Variants in PRRT3 observed in about 807,000 individuals in gnomAD.
The protein encoded by PRRT3 is proline rich transmembrane protein 3.
PRRT3 carries 48 observed loss-of-function variants against 56.6 expected under a neutral mutation model. That is an observed-to-expected ratio of 0.85 (90% confidence interval 0.67 to 1.08). The LOEUF is 1.08. PRRT3 is among the 50% of genes least tolerant of loss of function. PRRT3 has a pLI of 0.00. For missense variants in PRRT3, 1,370 were observed against 1,353.1 expected, an observed-to-expected ratio of 1.01 and a Z score of -0.20; for synonymous variants, 641 against 619.1, an observed-to-expected ratio of 1.04 and a Z score of -0.52.
intron 1 of PRRT3, among the ~76,000 whole-genome samples, chr3:9,951,912 G>A (rs1044319645): frequency 6.6e-6 from 1 of 152,194 alleles, no homozygotes; most frequent in African/African-American, 2.4e-5. Context: ...CGAGAAAACG[G>A]CTGAATGGGG....
Position 9,946,050 on chromosome 3 carries a change from C to A in PRRT3, c.*177G>T. ...TTTCGCTATGTTCGAGACCAGGAGG[C>A]TGATCTCGAACTCCTGACCTCGTGT... On this transcript the variant is annotated 3_prime_UTR_variant, in exon 4 of 4. Coordinates refer to ENST00000412055, the MANE Select transcript of PRRT3 (RefSeq NM_207351.5). The surrounding 1 kb of genome is among the most constrained non-coding windows in gnomAD (Gnocchi z 4.1). The A allele has an allele frequency of 1.1e-6, 1 of 930,044 alleles. No individual in the cohort carries two copies. 57.6% of individuals were successfully genotyped at this position (930,044 alleles called of 1,614,324 possible).
Position 9,947,498 on chromosome 3 carries a change from C to G in PRRT3, c.1675G>C (p.Gly559Arg). 1 of 1,612,144 alleles carries G rather than the reference C, an allele frequency of 6.2e-7. No homozygotes were observed. Reference sequence around the variant, plus strand: ...GGTGGCGGCAGCCCCGCGCCCAGGCCGAGCAGAGTCAGGGCTGCCAGCGCC... The same window carrying G: ...GGTGGCGGCAGCCCCGCGCCCAGGCGGAGCAGAGTCAGGGCTGCCAGCGCC... The part of the protein sequence containing the change: ...LTALAALTLL[G>R]LGAGLPPPLQ... Residue 559 changes from glycine to arginine, a missense_variant, in exon 4 of 4, where the codon GGC (glycine) becomes CGC (arginine). Physicochemically the swap from Gly to Arg is moderately radical, Grantham distance 125. Transcript: ENST00000412055. The surrounding 1 kb of genome is among the most constrained non-coding windows in gnomAD (Gnocchi z 9.2).
chr3:9,949,141 A>T lies in PRRT3; in HGVS notation c.975T>A (p.Asp325Glu). ...AKDSPGPQPT[D>E]PPASEAPDRP... ...GATCAGGAGCCTCTGAGGCGGGTGG[A>T]TCCGTGGGCTGGGGTCCTGGTGAAT... The change falls in exon 2 of 4, where the codon GAT (aspartate) becomes GAA (glutamate). Residue 325 changes from aspartate (D) to glutamate (E), a missense_variant. By Grantham distance (45) the Asp-to-Glu change is conservative. Coordinates refer to ENST00000412055, the MANE Select transcript of PRRT3 (RefSeq NM_207351.5). The surrounding 1 kb of genome is among the most constrained non-coding windows in gnomAD (Gnocchi z 4.5). 1 of 1,611,226 alleles carries T rather than the reference A, an allele frequency of 6.2e-7. No individual in the cohort carries two copies. Among genetic ancestry groups the T allele is most frequent in the Non-Finnish European group, 8.5e-7 (1 of 1,179,114 alleles).
At chr3:9,948,675 C>A in intron 3 of PRRT3, 83 bp downstream of exon 3, 3 of 1,531,280 alleles carry the variant, frequency 2.0e-6, no homozygotes, top group Non-Finnish European at 2.7e-6. Flanking sequence ...ATTCCCCACC[C>A]TCCGCCCCCA....
In PRRT3 at chr3:9,947,099, C is replaced by T. The variant is rs1465636178; in HGVS notation, c.2074G>A (p.Ala692Thr). The change falls in exon 4 of 4, where the codon GCC becomes ACC. Residue 692 changes from alanine (A) to threonine (T), a missense_variant. Physicochemically the swap from Ala to Thr is moderately conservative, Grantham distance 58. Transcript: ENST00000412055. This position sits in a 1 kb window ranked among gnomAD's most constrained non-coding sequence, Gnocchi z 9.2. ...LRLLELTWAL[A>T]LALAAVAAAR... ...GCAGCCACCGCGGCCAACGCCAGGG[C>T]GAGCGCCCATGTCAGCTCCAGGAGG... is the stretch of plus-strand genomic sequence containing the variant. 1 of 1,536,872 alleles carries T rather than the reference C, an allele frequency of 6.5e-7. No individual in the cohort carries two copies. The highest frequency in any genetic ancestry group is 8.7e-7 in the Non-Finnish European group (1 of 1,146,676).
Position 9,946,466 on chromosome 3 carries a change from AGCTGCCAGAAGCCGCAGCG to A in PRRT3, c.2688_2706del (p.Ala897ProfsTer29). On this transcript the variant is annotated frameshift_variant, in exon 4 of 4. Coordinates refer to ENST00000412055, the MANE Select transcript of PRRT3 (RefSeq NM_207351.5). LOFTEE classifies it high-confidence loss of function. This position sits in a 1 kb window ranked among gnomAD's most constrained non-coding sequence, Gnocchi z 4.1. ...GAACCCCTGGAGAAGCTGTCGAGGGAGCTGCCAGAAGCCGCAGCGGCTGCCCCGTCGGGTGCTTCCACTA... is the reference window on the plus strand; with the variant it reads ...GAACCCCTGGAGAAGCTGTCGAGGGAGCTGCCCCGTCGGGTGCTTCCACTA... 1 of 1,564,686 alleles carries A rather than the reference AGCTGCCAGAAGCCGCAGCG, an allele frequency of 6.4e-7. No individual in the cohort carries two copies. Among genetic ancestry groups the A allele is most frequent in the Non-Finnish European group, 8.7e-7 (1 of 1,155,538 alleles).
At position 9,949,433 on chromosome 3, in the gene PRRT3, C is replaced by T; in HGVS notation, c.683G>A (p.Gly228Glu). The T allele has an allele frequency of 6.2e-6, 10 of 1,614,098 alleles. No homozygotes were observed. Among genetic ancestry groups the T allele is most frequent in the East Asian group, 2.2e-5 (1 of 44,880 alleles). Residue 228 changes from glycine (G) to glutamate (E), a missense_variant, in exon 2 of 4, where the codon GGG becomes GAG. Gly to Glu is a moderately conservative substitution (Grantham distance 98, BLOSUM62 -2). Transcript: ENST00000412055. This position sits in a 1 kb window ranked among gnomAD's most constrained non-coding sequence, Gnocchi z 4.5. ...VKRPVLEGQGGFEEHLQEAAQ... is the reference protein window; with the variant it reads ...VKRPVLEGQGEFEEHLQEAAQ... Reference sequence around the variant, plus strand: ...TGCCTCCTGCAAGTGTTCCTCAAACCCACCCTGTCCTTCCAGCACTGGCCT... The same window carrying T: ...TGCCTCCTGCAAGTGTTCCTCAAACTCACCCTGTCCTTCCAGCACTGGCCT...
rs1246305825 is a variant in PRRT3 at position 9,948,766 on chromosome 3, A to G, written c.1163T>C (p.Leu388Pro). 1.2e-6 allele frequency: 2 copies of G among 1,613,932 alleles called. No homozygotes were observed. Among genetic ancestry groups the G allele is most frequent in the Non-Finnish European group, 8.5e-7 (1 of 1,179,968 alleles). ...VNRTESPMGA[L>P]QPDEAEEWPG... Reference sequence around the variant, plus strand: ...CCCAGCCATGCTCTCACCTGGCTGCAGGGCCCCCATGGGGCTCTCTGTTCG... The same window carrying G: ...CCCAGCCATGCTCTCACCTGGCTGCGGGGCCCCCATGGGGCTCTCTGTTCG... The change falls in exon 3 of 4, where the codon CTG becomes CCG. Residue 388 changes from leucine to proline, a missense_variant. Leu to Pro is a moderately conservative substitution (Grantham distance 98). Coordinates refer to ENST00000412055, the MANE Select transcript of PRRT3 (RefSeq NM_207351.5).
In PRRT3 at chr3:9,947,290, G is replaced by A. The variant is rs2085542546; in HGVS notation, c.1883C>T (p.Pro628Leu). The change falls in exon 4 of 4, where the codon CCA becomes CTA. Residue 628 changes from proline (P) to leucine (L), a missense_variant. Coordinates refer to ENST00000412055, the MANE Select transcript of PRRT3 (RefSeq NM_207351.5). This position sits in a 1 kb window ranked among gnomAD's most constrained non-coding sequence, Gnocchi z 9.2. ...CLCRRRLLDG[P>L]RGWDASPGPR... ...GCCCGGGCTGGCATCCCAGCCCCGTGGGCCGTCCAGCAGGCGGCGACGGCA... is the reference window on the plus strand; with the variant it reads ...GCCCGGGCTGGCATCCCAGCCCCGTAGGCCGTCCAGCAGGCGGCGACGGCA... 6.4e-7 allele frequency: 1 copy of A among 1,564,750 alleles called. No individual in the cohort carries two copies. Among genetic ancestry groups the A allele is most frequent in the Non-Finnish European group, 8.6e-7 (1 of 1,160,054 alleles).
At position 9,946,793 on chromosome 3, in the gene PRRT3, C is replaced by T; in HGVS notation, c.2380G>A (p.Gly794Arg). ...AGCTCGCTCAGCGATGGCGCCGGTC[C>T]CACACCGTTGCGGGACAGTCCCGGG... ...GGPGLSRNGVGPAPSLSELDL... is the reference protein window; with the variant it reads ...GGPGLSRNGVRPAPSLSELDL... Residue 794 changes from glycine (G) to arginine (R), a missense_variant, in exon 4 of 4, where the codon GGA becomes AGA. By Grantham distance (125) the Gly-to-Arg change is moderately radical (BLOSUM62 -2). Coordinates refer to ENST00000412055, the MANE Select transcript of PRRT3 (RefSeq NM_207351.5). The surrounding 1 kb of genome is among the most constrained non-coding windows in gnomAD (Gnocchi z 4.1). The T allele has an allele frequency of 6.4e-7, 1 of 1,553,522 alleles. No individual in the cohort carries two copies. The highest frequency in any genetic ancestry group is 8.6e-7 in the Non-Finnish European group (1 of 1,157,630).
At chr3:9,948,180 A>G (rs1274174131) in intron 3 of PRRT3, 179 bp from the exon 4 acceptor site, 3 of 530,634 alleles carry the variant, frequency 5.7e-6, no homozygotes, top group African/African-American at 2.0e-5. Flanking sequence ...CCCAACACCC[A>G]GTAAGTGCTA....
chr3:9,947,958 TG>T lies in PRRT3; in HGVS notation c.1214del (p.Pro405GlnfsTer63). The T allele has an allele frequency of 7.3e-7, 1 of 1,373,306 alleles. No individual in the cohort carries two copies. Among genetic ancestry groups the T allele is most frequent in the Admixed American group, 3.0e-5 (1 of 32,894 alleles). The allele number at this position is 1,373,306 out of a possible 1,614,324, so 85.1% of individuals were successfully genotyped here. The stretch of plus-strand genomic sequence containing the variant: ...TCGAGGGGGCCTGGACTGGGGGTGC[TG>T]GGGGATGGCTTTGGGGGCGCCCCGG... ...EWPGRPQSHPPAPPVQAPSTS... is the reference protein window; with the variant it reads ...EWPGRPQSHPXAPPVQAPSTS... On this transcript the variant is annotated frameshift_variant, in exon 4 of 4. Transcript: ENST00000412055. LOFTEE classifies it high-confidence loss of function. This position sits in a 1 kb window ranked among gnomAD's most constrained non-coding sequence, Gnocchi z 9.2.
Position 9,948,803 on chromosome 3 carries a change from G to A in PRRT3, c.1126C>T (p.Pro376Ser), listed in dbSNP as rs2085571207. The change falls in exon 3 of 4, where the codon CCA becomes TCA. Residue 376 changes from proline (P) to serine (S), a missense_variant. Coordinates refer to ENST00000412055, the MANE Select transcript of PRRT3 (RefSeq NM_207351.5). Reference protein sequence around the residue: ...SLIPGPSDPGPAVNRTESPMG... With the variant: ...SLIPGPSDPGSAVNRTESPMG... The stretch of plus-strand genomic sequence containing the variant: ...GGGCTCTCTGTTCGGTTTACAGCTG[G>A]GCCAGGGTCTGAGGGACCAGGGATG... 4 of 1,613,944 alleles carry A rather than the reference G, an allele frequency of 2.5e-6. No individual in the cohort carries two copies. Among genetic ancestry groups the A allele is most frequent in the Non-Finnish European group, 3.4e-6 (4 of 1,179,966 alleles).
In PRRT3 at chr3:9,946,615, C is replaced by T. The variant is rs2085527064; in HGVS notation, c.2558G>A (p.Gly853Asp). 4.3e-6 allele frequency: 6 copies of T among 1,394,618 alleles called. No homozygotes were observed. Among genetic ancestry groups the T allele is most frequent in the Non-Finnish European group, 5.5e-6 (6 of 1,082,672 alleles). 86.4% of individuals were successfully genotyped at this position (1,394,618 alleles called of 1,614,324 possible). A position where few individuals can be genotyped will look rare whatever the true frequency, so the allele number is the denominator to read the frequency against. ...PPGGALRPRR[G>D]SHPKAELDDA... ...GTCGAGCTCGGCTTTGGGATGGCTGCCCCGGCGCGGCCGCAGAGCGCCTCC... is the reference window on the plus strand; with the variant it reads ...GTCGAGCTCGGCTTTGGGATGGCTGTCCCGGCGCGGCCGCAGAGCGCCTCC... Residue 853 changes from glycine (G) to aspartate (D), a missense_variant, in exon 4 of 4, where the codon GGC (glycine) becomes GAC (aspartate). Physicochemically the swap from Gly to Asp is moderately conservative, Grantham distance 94 (BLOSUM62 -1). Coordinates refer to ENST00000412055, the MANE Select transcript of PRRT3 (RefSeq NM_207351.5). This position sits in a 1 kb window ranked among gnomAD's most constrained non-coding sequence, Gnocchi z 4.1.
chr3:9,947,273 T>C lies in PRRT3; in HGVS notation c.1900A>G (p.Ser634Gly), dbSNP rs1180356313. The C allele has an allele frequency of 6.5e-7, 1 of 1,529,748 alleles. No homozygotes were observed. 94.8% of individuals were successfully genotyped at this position (1,529,748 alleles called of 1,614,324 possible). ...LLDGPRGWDA[S>G]PGPRLLAVAG... ...ACAGCCAACAGCCGAGGGCCCGGGC[T>C]GGCATCCCAGCCCCGTGGGCCGTCC... Residue 634 changes from serine to glycine, a missense_variant, in exon 4 of 4, where the codon AGC becomes GGC. Ser to Gly is a moderately conservative substitution (Grantham distance 56). Coordinates refer to ENST00000412055, the MANE Select transcript of PRRT3 (RefSeq NM_207351.5). This position sits in a 1 kb window ranked among gnomAD's most constrained non-coding sequence, Gnocchi z 9.2.
chr3:9,948,867 C>T lies in PRRT3; in HGVS notation c.1062G>A (p.Val354=), dbSNP rs767276059. The T allele has an allele frequency of 5.0e-6, 8 of 1,607,486 alleles. No individual in the cohort carries two copies. In the Admixed American group the frequency reaches 1.0e-4, roughly 21 times the overall value. The change falls in exon 3 of 4, where the codon GTG becomes GTA. Residue 354 remains valine (V), a synonymous_variant. Transcript: ENST00000412055. ...TGCCTGGGGCCTCCACAGCTCCTCT[C>T]ACCCGCTGGGGGGAGATGGGGTCTG... The part of the protein sequence containing the change: ...NGADPISPQR[V]RGAVEAPGTP...
chr3:9,947,548 T>C lies in PRRT3; in HGVS notation c.1625A>G (p.Asn542Ser). The change falls in exon 4 of 4, where the codon AAC (asparagine) becomes AGC (serine). Residue 542 changes from asparagine to serine, a missense_variant. By Grantham distance (46) the Asn-to-Ser change is conservative. Coordinates refer to ENST00000412055, the MANE Select transcript of PRRT3 (RefSeq NM_207351.5). The surrounding 1 kb of genome is among the most constrained non-coding windows in gnomAD (Gnocchi z 9.2). Reference protein sequence around the residue: ...LGVRGGLVLYNLPFPLLLTAL... With the variant: ...LGVRGGLVLYSLPFPLLLTAL... ...CGTAAGCAGCAAGGGGAAGGGCAGG[T>C]TGTAGAGCACCAGGCCCCCGCGAAC... is the stretch of plus-strand genomic sequence containing the variant. 1 of 1,610,010 alleles carries C rather than the reference T, an allele frequency of 6.2e-7. No individual in the cohort carries two copies. The highest frequency in any genetic ancestry group is 1.1e-5 in the South Asian group (1 of 90,918).
At position 9,948,907 on chromosome 3, in the gene PRRT3, G is replaced by C. The variant is rs1205900823; in HGVS notation, c.1022C>G (p.Ala341Gly). Residue 341 changes from alanine (A) to glycine (G), a missense_variant, in exon 3 of 4, where the codon GCA becomes GGA. Transcript: ENST00000412055. ...APDRPSKPER[A>G]AMNGADPISP... ...GATGGGGTCTGCTCCATTCATTGCT[G>C]CTCTCTCTGAAATGACAAAGCAGTC... 1.3e-6 allele frequency: 2 copies of C among 1,574,600 alleles called. No individual in the cohort carries two copies. Among genetic ancestry groups the C allele is most frequent in the Admixed American group, 1.9e-5 (1 of 52,330 alleles).
In PRRT3 at chr3:9,947,950, G is replaced by C; in HGVS notation, c.1223C>G (p.Pro408Arg). The change falls in exon 4 of 4, where the codon CCA (proline) becomes CGA (arginine). Residue 408 changes from proline to arginine, a missense_variant. Physicochemically the swap from Pro to Arg is moderately radical, Grantham distance 103. Coordinates refer to ENST00000412055, the MANE Select transcript of PRRT3 (RefSeq NM_207351.5). This position sits in a 1 kb window ranked among gnomAD's most constrained non-coding sequence, Gnocchi z 9.2. ...GRPQSHPPAP[P>R]VQAPSTSRRG... ...GCGTGACGTCGAGGGGGCCTGGACT[G>C]GGGGTGCTGGGGGATGGCTTTGGGG... is the stretch of plus-strand genomic sequence containing the variant. The C allele has an allele frequency of 7.2e-7, 1 of 1,385,394 alleles. No individual in the cohort carries two copies. Among genetic ancestry groups the C allele is most frequent in the Non-Finnish European group, 9.3e-7 (1 of 1,072,628 alleles). The allele number at this position is 1,385,394 out of a possible 1,614,324, so 85.8% of individuals were successfully genotyped here.
Sources: gnomAD v4.1 joint callset for allele counts (sites outside exome capture counted in the v4.1 genomes callset) on GRCh38, gnomAD v4.1.1 for gene constraint, Gnocchi (gnomAD v3.1) non-coding constraint, MANE v1.5 for transcripts, NCBI Gene and HGNC (gene_info 2026-07-23, HGNC 2026-07-21) for gene names.